Variants in GPC5 observed in about 807,000 individuals in gnomAD.
The protein encoded by GPC5 is glypican 5.
Under a neutral mutation model 53.9 loss-of-function variants are expected in GPC5, and 47 were observed. That is an observed-to-expected ratio of 0.87 (90% CI 0.69 to 1.11). The LOEUF is 1.11. GPC5 is among the 50% of genes most tolerant of loss of function. GPC5 has a pLI of 0.00. For synonymous variants in GPC5, 286 were observed against 263.3 expected (o/e 1.09, Z -0.84); for missense variants, 748 against 713.1 (o/e 1.05, Z -0.56).
chr13:91,875,658 CT>C (rs1390967907), intron 5 of GPC5, among the ~76,000 whole-genome samples: 2 of 152,032 alleles, frequency 1.3e-5, no homozygotes. Context: ...TTTCTTGCAA[CT>C]TTTTCTCTTC....
At chr13:91,704,139 A>G (rs2036048997) in intron 3 of GPC5, among the ~76,000 whole-genome samples, 1 of 152,064 alleles carries the variant, frequency 6.6e-6, no homozygotes, top group African/African-American at 2.4e-5. Flanking sequence ...TCTGGCTTGT[A>G]TCTATTAATA....
intron 2 of GPC5, among the ~76,000 whole-genome samples, chr13:91,571,461 A>C (rs1566514619): frequency 6.6e-6 from 1 of 152,086 alleles, no homozygotes; most frequent in African/African-American, 2.4e-5. Flanking sequence ...ACTGACAAGC[A>C]CAGTAACAAT....
At chr13:91,656,967 A>G (rs1367844500) in intron 2 of GPC5, among the ~76,000 whole-genome samples, 1 of 152,176 alleles carries the variant, frequency 6.6e-6, no homozygotes, top group Non-Finnish European at 1.5e-5. Context: ...AGGGTTTGTA[A>G]TGGGAGAGAC....
intron 5 of GPC5, among the ~76,000 whole-genome samples, chr13:91,895,628 C>CTCTT (rs1268066552): frequency 6.6e-6 from 1 of 151,378 alleles, no homozygotes; most frequent in Admixed American, 6.6e-5. Flanking sequence ...ATCTTTTTCT[C>CTCTT]TCTTTCTTTC....
At chr13:92,070,522 T>TA (rs1417815068) in intron 6 of GPC5, among the ~76,000 whole-genome samples, 5 of 152,234 alleles carry the variant, frequency 3.3e-5, no homozygotes, top group African/African-American at 1.2e-4. Flanking sequence ...CACCACTTTT[T>TA]AAAATTAGAT....
chr13:92,529,562 A>G (rs200183585), intron 7 of GPC5, among the ~76,000 whole-genome samples: 2 of 152,192 alleles, frequency 1.3e-5, no homozygotes, highest in South Asian at 2.1e-4. Flanking sequence ...AATCTAATAT[A>G]GTAATGTAAC....
chr13:92,047,927 G>T (rs948212029), intron 6 of GPC5, among the ~76,000 whole-genome samples: 2 of 151,870 alleles, frequency 1.3e-5, no homozygotes, highest in East Asian at 3.9e-4. Context: ...GAAGGCAGAG[G>T]TTGGAGTGAG....
chr13:91,839,867 T>A (rs1243922082), intron 5 of GPC5, among the ~76,000 whole-genome samples: 5 of 152,096 alleles, frequency 3.3e-5, no homozygotes, highest in Admixed American at 3.3e-4. Context: ...AATACCAAGT[T>A]CATACACAAT....
intron 5 of GPC5, among the ~76,000 whole-genome samples, chr13:91,837,908 A>G (rs1485831557): frequency 6.6e-6 from 1 of 152,072 alleles, no homozygotes; most frequent in African/African-American, 2.4e-5. Context: ...GGGGTCATCC[A>G]AGGAGTGTTT....
At position 91,611,367 on chromosome 13, in the gene GPC5, T is replaced by C. The variant is rs377111428; in HGVS notation, c.326-81820T>C. On this transcript the variant is annotated intron_variant, in intron 2 of 7. Transcript: ENST00000377067. The stretch of plus-strand genomic sequence containing the variant: ...AGGTCATGACTTTAAGTGATAAAGA[T>C]AAAATGTGTAGCCTGCTTTGCTTCC... Among the ~76,000 whole-genome samples the C allele has an allele frequency of 2.0e-4, 31 of 152,326 alleles. No homozygotes were observed. In the East Asian group the frequency reaches 4.1e-3, roughly 20 times the overall value.
At chr13:92,770,472 C>T (rs1566411020) in intron 7 of GPC5, among the ~76,000 whole-genome samples, 1 of 149,572 alleles carries the variant, frequency 6.7e-6, no homozygotes, top group South Asian at 2.1e-4. Context: ...ACTTCATTCA[C>T]ATCCATTTAA....
chr13:91,666,542 T>C (rs1238444453), intron 2 of GPC5, among the ~76,000 whole-genome samples: 1 of 152,172 alleles, frequency 6.6e-6, no homozygotes, highest in Admixed American at 6.5e-5. Context: ...TTGCATTTCA[T>C]TTACATATTA....
intron 7 of GPC5, among the ~76,000 whole-genome samples, chr13:92,778,353 G>C (rs1875892773): frequency 1.3e-5 from 2 of 152,080 alleles, no homozygotes; most frequent in South Asian, 4.1e-4. Flanking sequence ...TTATTCTAAG[G>C]AGAGCTGTTG....
chr13:91,613,310 C>G (rs928315846), intron 2 of GPC5, among the ~76,000 whole-genome samples: 3 of 152,134 alleles, frequency 2.0e-5, no homozygotes, highest in Non-Finnish European at 4.4e-5. Flanking sequence ...TGGCAGCAGA[C>G]AAGAGAAGAG....
intron 2 of GPC5, among the ~76,000 whole-genome samples, chr13:91,480,426 A>C (rs1005988488): frequency 6.6e-5 from 10 of 152,204 alleles, no homozygotes; most frequent in African/African-American, 2.4e-4. Flanking sequence ...ATGAGTGGTG[A>C]GAGGTAGTTG....
intron 7 of GPC5, among the ~76,000 whole-genome samples, chr13:92,242,408 A>T (rs1485652623): frequency 6.6e-6 from 1 of 152,004 alleles, no homozygotes; most frequent in Non-Finnish European, 1.5e-5. Context: ...TTTATCTATG[A>T]ATGTGCCTGT....
intron 7 of GPC5, among the ~76,000 whole-genome samples, chr13:92,379,083 G>C (rs16947501): frequency 0.073 from 11,103 of 152,194 alleles, 596 homozygotes; most frequent in East Asian, 0.15. Context: ...TTGAGTAACT[G>C]GTCAAAGATT....
rs141042329 is a variant in GPC5 at position 91,821,409 on chromosome 13, T to C, written c.1280+64989T>C. ...TTATTGTATTGTCTAGGAAAAAGGCTCTTCCCCACTTTTTTCAATCCTTAT... is the reference window on the plus strand; with the variant it reads ...TTATTGTATTGTCTAGGAAAAAGGCCCTTCCCCACTTTTTTCAATCCTTAT... On this transcript the variant is annotated intron_variant, in intron 5 of 7. Transcript: ENST00000377067. Among the ~76,000 whole-genome samples, 598 of 152,328 alleles carry C rather than the reference T, an allele frequency of 3.9e-3. 7 individuals are homozygous for C. The highest frequency in any genetic ancestry group is 0.014 in the African/African-American group (570 of 41,584).
intron 7 of GPC5, among the ~76,000 whole-genome samples, chr13:92,364,917 T>C (rs1566558235): frequency 2.0e-5 from 3 of 151,762 alleles, no homozygotes; most frequent in Non-Finnish European, 2.9e-5. Context: ...TAATAAGAAA[T>C]TGGTGGTTTG....
Sources: gnomAD v4.1 joint callset for allele counts (sites outside exome capture counted in the v4.1 genomes callset) on GRCh38, gnomAD v4.1.1 for gene constraint, MANE v1.5 for transcripts, NCBI Gene and HGNC (gene_info 2026-07-23, HGNC 2026-07-21) for gene names.